The following EFNA5 variants were observed in gnomAD, a reference collection of about 807,000 sequenced individuals.
EFNA5 encodes the protein ephrin A5.
EFNA5 carries 5 observed loss-of-function variants against 22.9 expected under a neutral mutation model. That is an observed-to-expected ratio of 0.22 (90% CI 0.11 to 0.46). The LOEUF (loss-of-function observed/expected upper bound fraction) is 0.46. EFNA5 is among the 20% of genes least tolerant of loss of function. The pLI is 0.99. For synonymous variants in EFNA5, 113 were observed against 112.2 expected, an observed-to-expected ratio of 1.01 and a Z score of -0.04; for missense variants, 237 against 293.3, an observed-to-expected ratio of 0.81 and a Z score of 1.40.
chr5:107,633,614 T>C (rs936780133), intron 1 of EFNA5, among the ~76,000 whole-genome samples: 2 of 152,198 alleles, frequency 1.3e-5, no homozygotes, highest in East Asian at 1.9e-4. Context: ...ATTATGATGA[T>C]AAATAATTTA....
intron 1 of EFNA5, among the ~76,000 whole-genome samples, chr5:107,576,305 T>G (rs1748926973): frequency 6.6e-6 from 1 of 152,088 alleles, no homozygotes; most frequent in Non-Finnish European, 1.5e-5. Context: ...ACATAACAAG[T>G]TTAGGAAACG....
intron 1 of EFNA5, among the ~76,000 whole-genome samples, chr5:107,476,837 C>T (rs575655175): frequency 2.6e-5 from 4 of 152,104 alleles, no homozygotes; most frequent in South Asian, 4.1e-4. Flanking sequence ...TATACCCTGA[C>T]TCCTTGATGA....
At chr5:107,456,602 T>C (rs1749705723) in intron 1 of EFNA5, among the ~76,000 whole-genome samples, 1 of 152,168 alleles carries the variant, frequency 6.6e-6, no homozygotes, top group Admixed American at 6.5e-5. Context: ...TGAAACCAAG[T>C]GCTGTTGCAA....
chr5:107,616,496 G>C (rs1401594610), intron 1 of EFNA5, among the ~76,000 whole-genome samples: 1 of 152,174 alleles, frequency 6.6e-6, no homozygotes, highest in Non-Finnish European at 1.5e-5. Context: ...GTGGGTAACT[G>C]AGAGCTGATG....
At chr5:107,542,557 G>C (rs367580878) in intron 1 of EFNA5, among the ~76,000 whole-genome samples, 6 of 152,090 alleles carry the variant, frequency 3.9e-5, no homozygotes, top group East Asian at 3.9e-4. Flanking sequence ...TGGTATAAGG[G>C]GGGGGTGCGG....
intron 1 of EFNA5, among the ~76,000 whole-genome samples, chr5:107,510,495 G>A (rs1026659470): frequency 1.3e-5 from 2 of 151,996 alleles, no homozygotes; most frequent in Non-Finnish European, 2.9e-5. Context: ...TTTACTCTAG[G>A]GACTTGCACC....
chr5:107,645,624 C>CA (rs1163976320), intron 1 of EFNA5, among the ~76,000 whole-genome samples: 3 of 152,134 alleles, frequency 2.0e-5, no homozygotes, highest in African/African-American at 7.2e-5. Context: ...AAAGATTGGG[C>CA]AGGGGTAGTT....
At chr5:107,406,901 C>T (rs937295296) in intron 2 of EFNA5, among the ~76,000 whole-genome samples, 4 of 152,028 alleles carry the variant, frequency 2.6e-5, no homozygotes, top group Admixed American at 6.6e-5. Flanking sequence ...TCTAACTGCC[C>T]GCAGAATCAC....
At chr5:107,430,760 T>C (rs1580446737) in intron 1 of EFNA5, among the ~76,000 whole-genome samples, 1 of 53,820 alleles carries the variant, frequency 1.9e-5, no homozygotes, top group South Asian at 5.1e-4. Context: ...CCAGCAATTA[T>C]TATTTCTTTC....
At chr5:107,633,708 T>A (rs982211667) in intron 1 of EFNA5, among the ~76,000 whole-genome samples, 1 of 152,190 alleles carries the variant, frequency 6.6e-6, no homozygotes, top group Non-Finnish European at 1.5e-5. Context: ...TGTCCCAGAA[T>A]GACCAATTTG....
chr5:107,399,697 A>G (rs1194323711), intron 2 of EFNA5, among the ~76,000 whole-genome samples: 1 of 152,224 alleles, frequency 6.6e-6, no homozygotes, highest in African/African-American at 2.4e-5. Context: ...AGCACCTCAG[A>G]TGTTACATGA....
chr5:107,558,843 C>T (rs558506578), intron 1 of EFNA5, among the ~76,000 whole-genome samples: 8 of 152,270 alleles, frequency 5.3e-5, no homozygotes, highest in African/African-American at 1.9e-4. Context: ...TAATTACTTT[C>T]TAAATGGGAA....
chr5:107,561,468 A>C (rs1748542523), intron 1 of EFNA5, among the ~76,000 whole-genome samples: 1 of 152,232 alleles, frequency 6.6e-6, no homozygotes, highest in South Asian at 2.1e-4. Flanking sequence ...TCCTGGGTTC[A>C]AGCAATTCTC....
intron 2 of EFNA5, among the ~76,000 whole-genome samples, chr5:107,425,236 A>T (rs1039867584): frequency 6.6e-6 from 1 of 152,242 alleles, no homozygotes; most frequent in African/African-American, 2.4e-5. Context: ...TTGCTTATGA[A>T]GCTGAATGAA....
chr5:107,419,861 A>C (rs548957954), intron 2 of EFNA5, among the ~76,000 whole-genome samples: 1 of 152,220 alleles, frequency 6.6e-6, no homozygotes, highest in South Asian at 2.1e-4. Flanking sequence ...TAACAAAAGT[A>C]AAATGCACAC....
At chr5:107,428,583 A>T (rs1748865042) in intron 1 of EFNA5, among the ~76,000 whole-genome samples, 1 of 152,200 alleles carries the variant, frequency 6.6e-6, no homozygotes, top group Non-Finnish European at 1.5e-5. Context: ...TCAGTCTAAA[A>T]TCATGGTGGA....
chr5:107,633,435 C>A (rs925374786), intron 1 of EFNA5, among the ~76,000 whole-genome samples: 1 of 152,222 alleles, frequency 6.6e-6, no homozygotes, highest in Non-Finnish European at 1.5e-5. Flanking sequence ...GGCATCCTGG[C>A]GGTAGCCAGC....
At chr5:107,589,175 A>C (rs1377874991) in intron 1 of EFNA5, among the ~76,000 whole-genome samples, 2 of 152,334 alleles carry the variant, frequency 1.3e-5, no homozygotes, top group African/African-American at 2.4e-5. Flanking sequence ...TTAGCTATGT[A>C]AAGCCAACTG....
At chr5:107,476,056 A>ATATATATATATGTATATATATAT (rs1454967869) in intron 1 of EFNA5, among the ~76,000 whole-genome samples, 1 of 115,404 alleles carries the variant, frequency 8.7e-6, no homozygotes, top group Non-Finnish European at 1.8e-5. Flanking sequence ...CTATATATAT[A>ATATATATATATGTATATATATAT]TTTTTTTTTT....
Sources: allele counts gnomAD v4.1 joint callset (sites outside exome capture counted in the v4.1 genomes callset), GRCh38; gene constraint gnomAD v4.1.1; transcripts MANE v1.5; gene names NCBI Gene and HGNC (gene_info 2026-07-23, HGNC 2026-07-21).